ARHGAP19: variants seen among roughly 807,000 people sequenced by gnomAD.
ARHGAP19 encodes the protein rho GTPase-activating protein 19.
In ARHGAP19, 48 loss-of-function variants were observed where a neutral mutation model predicts 60.9. The observed-to-expected ratio is 0.79, with a 90% CI of 0.62 to 1.00. The LOEUF is 1.00. Ranked by LOEUF, ARHGAP19 falls within the 50% of genes least tolerant of loss-of-function variation. The probability of loss-of-function intolerance (pLI) is 0.00; values close to 1 mark genes in which losing one functional copy is unlikely to be tolerated. For synonymous variants in ARHGAP19, 209 were observed against 215.5 expected (o/e 0.97, Z 0.27); for missense variants, 562 against 597.2 (o/e 0.94, Z 0.61).
chr10:97,271,323 T>C (rs1255385169), intron 1 of ARHGAP19, among the ~76,000 whole-genome samples: 1 of 151,752 alleles, frequency 6.6e-6, no homozygotes, highest in Non-Finnish European at 1.5e-5. Flanking sequence ...TATCCATTCA[T>C]AATAAATAAA....
chr10:97,238,310 G>A (rs890451018), intron 8 of ARHGAP19, among the ~76,000 whole-genome samples: 17 of 152,134 alleles, frequency 1.1e-4, no homozygotes, highest in Admixed American at 7.2e-4. Context: ...GGGCTCAAGC[G>A]ATTCTTCCTG....
intron 6 of ARHGAP19, among the ~76,000 whole-genome samples, chr10:97,251,367 G>GA (rs1589456025): frequency 7.5e-5 from 1 of 13,408 alleles, no homozygotes; most frequent in Non-Finnish European, 1.4e-4. Context: ...AAGGGGAAAG[G>GA]AAGGGGAATG....
intron 8 of ARHGAP19, among the ~76,000 whole-genome samples, chr10:97,242,689 T>A (rs1284319457): frequency 6.6e-6 from 1 of 152,206 alleles, no homozygotes; most frequent in Non-Finnish European, 1.5e-5. Flanking sequence ...ATTTTTTGCA[T>A]TTTTAGTAGA....
intron 8 of ARHGAP19, among the ~76,000 whole-genome samples, chr10:97,238,232 G>T (rs1228593202): frequency 6.6e-6 from 1 of 152,098 alleles, no homozygotes; most frequent in African/African-American, 2.4e-5. Context: ...TAGAGACGGG[G>T]TCTCGCTCTG....
intron 6 of ARHGAP19, among the ~76,000 whole-genome samples, chr10:97,250,823 TG>T (rs1200096930): frequency 6.6e-6 from 1 of 150,710 alleles, no homozygotes; most frequent in Non-Finnish European, 1.5e-5. Flanking sequence ...CCCAACACTT[TG>T]GGAGGCCAAG....
At position 97,260,594 on chromosome 10, in the gene ARHGAP19, C is replaced by T. The variant is rs142153418; in HGVS notation, c.614-966G>A. Among the ~76,000 whole-genome samples, 202 of 152,134 alleles carry T rather than the reference C, an allele frequency of 1.3e-3. 2 individuals are homozygous for T. Among genetic ancestry groups the T allele is most frequent in the African/African-American group, 4.7e-3 (194 of 41,530 alleles). On this transcript the variant is annotated intron_variant, in intron 4 of 11. Coordinates refer to ENST00000358531, the MANE Select transcript of ARHGAP19 (RefSeq NM_032900.6). ...TCAAAACCACAATGACATACCACTT[C>T]ATATCCACTACAATGGCTATAACTA... is the stretch of plus-strand genomic sequence containing the variant.
chr10:97,243,495 C>T (rs1269747274), intron 8 of ARHGAP19, among the ~76,000 whole-genome samples: 4 of 152,280 alleles, frequency 2.6e-5, no homozygotes, highest in Admixed American at 6.5e-5. Context: ...TTATTGTGTT[C>T]TCTAACTGCA....
At chr10:97,271,902 T>C (rs919423136) in intron 1 of ARHGAP19, among the ~76,000 whole-genome samples, 7 of 151,946 alleles carry the variant, frequency 4.6e-5, no homozygotes, top group African/African-American at 7.2e-5. Context: ...TTCTCCTTTA[T>C]GGTAAATAAT....
At chr10:97,241,095 TG>T (rs1446416638) in intron 8 of ARHGAP19, among the ~76,000 whole-genome samples, 1 of 150,660 alleles carries the variant, frequency 6.6e-6, no homozygotes, top group African/African-American at 2.4e-5. Context: ...CCAAGGCAGG[TG>T]GATCATTTGG....
chr10:97,272,536 T>C (rs1842973606), intron 1 of ARHGAP19, among the ~76,000 whole-genome samples: 1 of 152,232 alleles, frequency 6.6e-6, no homozygotes, highest in Non-Finnish European at 1.5e-5. Context: ...ATTTTCTTTG[T>C]GAAAAAGTTT....
intron 1 of ARHGAP19, among the ~76,000 whole-genome samples, chr10:97,268,885 A>G (rs1842930457): frequency 1.3e-5 from 2 of 152,252 alleles, no homozygotes. Context: ...TGAAACTCTT[A>G]GAGCAGACAC....
chr10:97,251,334 G>A (rs1237982886), intron 6 of ARHGAP19, among the ~76,000 whole-genome samples: 1 of 33,430 alleles, frequency 3.0e-5, no homozygotes. Context: ...AGGGGAAAGG[G>A]AAAGGAAGGG....
intron 10 of ARHGAP19, 151 bp downstream of exon 10, chr10:97,229,613 A>T: frequency 1.6e-6 from 1 of 635,018 alleles, no homozygotes; most frequent in South Asian, 2.0e-5. Context: ...AATGAAAACC[A>T]ACAGAAAGAA....
intron 8 of ARHGAP19, among the ~76,000 whole-genome samples, chr10:97,241,304 TTTTACTTAAGATCATA>T (rs1842477528): frequency 6.6e-6 from 1 of 151,624 alleles, no homozygotes; most frequent in Non-Finnish European, 1.5e-5. Flanking sequence ...AAATATGATC[TTTTACTTAAGATCATA>T]TTTACTTAAG....
chr10:97,292,445 C>A, intron 1 of ARHGAP19, 127 bp downstream of exon 1: 1 of 1,252,672 alleles, frequency 8.0e-7, no homozygotes, highest in Admixed American at 1.9e-5. Flanking sequence ...GCAGGCGCGA[C>A]GATGAGAAAC....
At chr10:97,234,458 C>A (rs995716215) in intron 9 of ARHGAP19, among the ~76,000 whole-genome samples, 5 of 146,518 alleles carry the variant, frequency 3.4e-5, no homozygotes, top group Non-Finnish European at 7.5e-5. Flanking sequence ...GCTTTTGGGG[C>A]AGCAATCTCT....
intron 5 of ARHGAP19, 86 bp downstream of exon 5, chr10:97,259,316 C>A: frequency 9.1e-7 from 1 of 1,093,448 alleles, no homozygotes. Context: ...ACCTTGGACC[C>A]TTGATAATCT....
intron 7 of ARHGAP19, among the ~76,000 whole-genome samples, chr10:97,244,940 A>G (rs1475988868): frequency 6.6e-6 from 1 of 151,746 alleles, no homozygotes. Flanking sequence ...AAGGCTTAGA[A>G]CAGGAAAGAA....
chr10:97,270,524 A>G, intron 1 of ARHGAP19: 1 of 1,150,094 alleles, frequency 8.7e-7, no homozygotes, highest in Non-Finnish European at 1.2e-6. Context: ...TACTATATTT[A>G]AGCAAAAACA....
Sources: gnomAD v4.1 joint callset for allele counts (sites outside exome capture counted in the v4.1 genomes callset) on GRCh38, gnomAD v4.1.1 for gene constraint, MANE v1.5 for transcripts, NCBI Gene and HGNC (gene_info 2026-07-23, HGNC 2026-07-21) for gene names.